The following ARGLU1 variants were observed in gnomAD, a reference collection of about 807,000 sequenced individuals.
The protein encoded by ARGLU1 is arginine and glutamate rich 1.
Under a neutral mutation model 37.6 loss-of-function variants are expected in ARGLU1, and 9 were observed. The ratio of observed to expected loss-of-function variants is 0.24; its 90% CI spans 0.14 to 0.42. The LOEUF is 0.42. ARGLU1 is among the 10% of genes least tolerant of loss of function. ARGLU1 has a pLI of 1.00. For missense variants in ARGLU1, 211 were observed against 359.2 expected (o/e 0.59, Z 3.34); for synonymous variants, 166 against 138.5 (o/e 1.20, Z -1.39).
chr13:106,554,813 A>G (rs904980268), intron 3 of ARGLU1, among the ~76,000 whole-genome samples: 2 of 151,508 alleles, frequency 1.3e-5, no homozygotes, highest in African/African-American at 4.9e-5. Context: ...TGAATCTGGA[A>G]GGCGGAAGTT....
At chr13:106,544,201 A>C (rs1346169554) in intron 3 of ARGLU1, 41 bp from the exon 4 acceptor site, 1 of 1,486,150 alleles carries the variant, frequency 6.7e-7, no homozygotes, top group East Asian at 2.5e-5. Context: ...AAATGTATTA[A>C]AAATTATCAT....
At chr13:106,563,354 G>A (rs1271676773) in intron 1 of ARGLU1, among the ~76,000 whole-genome samples, 2 of 152,148 alleles carry the variant, frequency 1.3e-5, no homozygotes, top group Non-Finnish European at 2.9e-5. Flanking sequence ...CTAGACTCGA[G>A]CACACTGGAT....
intron 1 of ARGLU1, among the ~76,000 whole-genome samples, chr13:106,560,326 A>C (rs1480747652): frequency 6.6e-6 from 1 of 152,204 alleles, no homozygotes; most frequent in Non-Finnish European, 1.5e-5. Context: ...GAAAAAGTTC[A>C]ATAAAGCATG....
chr13:106,547,567 T>TGAAC (rs1880424386), intron 3 of ARGLU1, among the ~76,000 whole-genome samples: 1 of 152,186 alleles, frequency 6.6e-6, no homozygotes. Context: ...GAGGCCCCTA[T>TGAAC]GTTCCGCAAT....
chr13:106,549,929 T>C (rs1880492963), intron 3 of ARGLU1, among the ~76,000 whole-genome samples: 1 of 152,210 alleles, frequency 6.6e-6, no homozygotes, highest in Admixed American at 6.5e-5. Flanking sequence ...GAAAATCAGA[T>C]GCCTTTGGAA....
chr13:106,557,982 T>G lies in ARGLU1; in HGVS notation c.574-851A>C. On this transcript the variant is annotated intron_variant, in intron 2 of 3. Transcript: ENST00000400198. This position sits in a 1 kb window ranked among gnomAD's most constrained non-coding sequence, Gnocchi z 5.0. ...AGGAAATAAAATTCTTCAACTTATTTTTTCTTGGAGAATTTAATGAGATTT... is the reference window on the plus strand; with the variant it reads ...AGGAAATAAAATTCTTCAACTTATTGTTTCTTGGAGAATTTAATGAGATTT... 1.0e-6 allele frequency: 1 copy of G among 985,398 alleles called. No individual in the cohort carries two copies. Among genetic ancestry groups the G allele is most frequent in the Non-Finnish European group, 1.2e-6 (1 of 829,914 alleles). 61.0% of individuals were successfully genotyped at this position (985,398 alleles called of 1,614,324 possible).
chr13:106,552,092 A>G, intron 3 of ARGLU1, among the ~76,000 whole-genome samples: 1 of 152,222 alleles, frequency 6.6e-6, no homozygotes, highest in South Asian at 2.1e-4. Flanking sequence ...AAAGAAAGCC[A>G]TCTCGCAAAG....
chr13:106,552,504 T>A (rs1249867625), intron 3 of ARGLU1, among the ~76,000 whole-genome samples: 2 of 152,188 alleles, frequency 1.3e-5, no homozygotes, highest in African/African-American at 4.8e-5. Flanking sequence ...GGGTATAGAT[T>A]GAGAGTTTCT....
chr13:106,567,778 G>A lies in ARGLU1; in HGVS notation c.142C>T (p.Arg48Trp), dbSNP rs1302009122. The change falls in exon 1 of 4, where the codon CGG (arginine) becomes TGG (tryptophan). Residue 48 changes from arginine (R) to tryptophan (W), a missense_variant. By Grantham distance (101) the Arg-to-Trp change is moderately radical. Transcript: ENST00000400198. The surrounding 1 kb of genome is among the most constrained non-coding windows in gnomAD (Gnocchi z 4.3). The part of the protein sequence containing the change: ...RKRSKSRESK[R>W]NRRRESRSRS... ...GACCGCGACTCCCGCCGCCGGTTCC[G>A]TTTACTTTCCCGAGATTTGGAACGC... 6.2e-7 allele frequency: 1 copy of A among 1,613,226 alleles called. No individual in the cohort carries two copies. The highest frequency in any genetic ancestry group is 1.3e-5 in the African/African-American group (1 of 74,838).
intron 1 of ARGLU1, chr13:106,562,085 C>T (rs1182067900): frequency 6.6e-6 from 1 of 152,318 alleles, no homozygotes; most frequent in Non-Finnish European, 1.5e-5. Flanking sequence ...TCCCTTTGTT[C>T]CTGGAGGAAC....
In ARGLU1 at chr13:106,567,707, G is replaced by A; in HGVS notation, c.213C>T (p.Asp71=). The A allele has an allele frequency of 1.2e-6, 2 of 1,612,284 alleles. No individual in the cohort carries two copies. Among genetic ancestry groups the A allele is most frequent in the East Asian group, 2.2e-5 (1 of 44,702 alleles). Residue 71 remains aspartate (D), a synonymous_variant, in exon 1 of 4, where the codon GAC becomes GAT. Coordinates refer to ENST00000400198, the MANE Select transcript of ARGLU1 (RefSeq NM_018011.4). The surrounding 1 kb of genome is among the most constrained non-coding windows in gnomAD (Gnocchi z 4.3). ...CGGGCGGGGACGAGGCGCGCTCCCG[G>A]TCCCGCTCGCGCCGGGACACGGCCG... is the stretch of plus-strand genomic sequence containing the variant. The part of the protein sequence containing the change: ...TNTAVSRRER[D]RERASSPPDR...
In ARGLU1 at chr13:106,567,982, C is replaced by A. The variant is rs1881024672; in HGVS notation, c.-63G>T. 1 of 1,524,014 alleles carries A rather than the reference C, an allele frequency of 6.6e-7. No homozygotes were observed. The highest frequency in any genetic ancestry group is 1.2e-5 in the South Asian group (1 of 81,512). 94.4% of individuals were successfully genotyped at this position (1,524,014 alleles called of 1,614,324 possible). A position where few individuals can be genotyped will look rare whatever the true frequency, so the allele number is the denominator to read the frequency against. Reference sequence around the variant, plus strand: ...CTCACGCGGCCAGTTCCCCTCGCCTCCGCCTTCGGACGCGGGCTGGCGGTT... The same window carrying A: ...CTCACGCGGCCAGTTCCCCTCGCCTACGCCTTCGGACGCGGGCTGGCGGTT... On this transcript the variant is annotated 5_prime_UTR_variant, in exon 1 of 4. Coordinates refer to ENST00000400198, the MANE Select transcript of ARGLU1 (RefSeq NM_018011.4). This position sits in a 1 kb window ranked among gnomAD's most constrained non-coding sequence, Gnocchi z 4.3.
At chr13:106,550,898 T>A (rs1880515794) in intron 3 of ARGLU1, among the ~76,000 whole-genome samples, 1 of 152,204 alleles carries the variant, frequency 6.6e-6, no homozygotes, top group South Asian at 2.1e-4. Context: ...CCTTCCTTCA[T>A]CGTGTCATGT....
chr13:106,550,025 T>C (rs1483038845), intron 3 of ARGLU1, among the ~76,000 whole-genome samples: 4 of 152,214 alleles, frequency 2.6e-5, no homozygotes, highest in Non-Finnish European at 5.9e-5. Context: ...TCCTACATTC[T>C]CTCTTTTTAC....
chr13:106,566,927 A>T (rs1880980451), intron 1 of ARGLU1, among the ~76,000 whole-genome samples: 1 of 152,000 alleles, frequency 6.6e-6, no homozygotes, highest in Admixed American at 6.5e-5. Flanking sequence ...TGTACACTTA[A>T]GGTCTATGCT....
chr13:106,562,860 A>C (rs1367496752), intron 1 of ARGLU1, among the ~76,000 whole-genome samples: 2 of 151,508 alleles, frequency 1.3e-5, no homozygotes, highest in Non-Finnish European at 2.9e-5. Context: ...ATAAAAAATA[A>C]AAATTAGCTG....
Position 106,567,770 on chromosome 13 carries a change from C to T in ARGLU1, c.150G>A (p.Arg50=), listed in dbSNP as rs1205961938. 1 of 1,613,220 alleles carries T rather than the reference C, an allele frequency of 6.2e-7. No homozygotes were observed. The highest frequency in any genetic ancestry group is 8.5e-7 in the Non-Finnish European group (1 of 1,179,582). The part of the protein sequence containing the change: ...RSKSRESKRN[R]RRESRSRSRS... ...GCGAACGGGACCGCGACTCCCGCCG[C>T]CGGTTCCGTTTACTTTCCCGAGATT... The change falls in exon 1 of 4, where the codon CGG becomes CGA. Residue 50 remains arginine (R), a synonymous_variant. Transcript: ENST00000400198. This position sits in a 1 kb window ranked among gnomAD's most constrained non-coding sequence, Gnocchi z 4.3.
intron 1 of ARGLU1, among the ~76,000 whole-genome samples, chr13:106,565,979 T>C (rs1386361972): frequency 6.6e-6 from 1 of 152,264 alleles, no homozygotes; most frequent in East Asian, 1.9e-4. Context: ...AGGCAAGTTA[T>C]TACTCTTTGG....
intron 3 of ARGLU1, among the ~76,000 whole-genome samples, chr13:106,553,023 C>T (rs1411790614): frequency 6.6e-6 from 1 of 152,100 alleles, no homozygotes; most frequent in Non-Finnish European, 1.5e-5. Context: ...TTACGGGATT[C>T]AATCTGTGAA....
Sources: allele counts gnomAD v4.1 joint callset (sites outside exome capture counted in the v4.1 genomes callset), GRCh38; gene constraint gnomAD v4.1.1; non-coding constraint Gnocchi (gnomAD v3.1); transcripts MANE v1.5; gene names NCBI Gene and HGNC (gene_info 2026-07-23, HGNC 2026-07-21).